The following GSE1 variants were observed in gnomAD, a reference collection of about 807,000 sequenced individuals.
GSE1 encodes genetic suppressor element 1.
Under a neutral mutation model 112.6 loss-of-function variants are expected in GSE1, and 32 were observed. The observed-to-expected ratio is 0.28, with a 90% CI of 0.21 to 0.38. GSE1 has a LOEUF of 0.38. GSE1 is among the 10% of genes least tolerant of loss of function. The probability of loss-of-function intolerance (pLI) is 1.00; values close to 1 mark genes in which losing one functional copy is unlikely to be tolerated. For missense variants in GSE1, 2,348 were observed against 1,699.2 expected, an observed-to-expected ratio of 1.38 and a Z score of -6.71; for synonymous variants, 1,115 against 735.6, an observed-to-expected ratio of 1.52 and a Z score of -8.35.
intron 1 of GSE1, among the ~76,000 whole-genome samples, chr16:85,216,206 C>A (rs2075304469): frequency 6.6e-6 from 1 of 152,230 alleles, no homozygotes; most frequent in South Asian, 2.1e-4. Flanking sequence ...GAGTTCAATA[C>A]CATATTGGGC....
At chr16:85,641,662 G>T (rs1472185427) in intron 2 of GSE1, among the ~76,000 whole-genome samples, 1 of 152,266 alleles carries the variant, frequency 6.6e-6, no homozygotes, top group Non-Finnish European at 1.5e-5. Flanking sequence ...CTTGTCACTT[G>T]TGCGATGGGG....
At chr16:85,183,439 A>G (rs4389130) in intron 1 of GSE1, among the ~76,000 whole-genome samples, 9,304 of 152,244 alleles carry the variant, frequency 0.061, 312 homozygotes, top group African/African-American at 0.081. Context: ...GAGGAAAGGT[A>G]CAGGGTGGGG....
chr16:85,503,390 C>T (rs962333206), intron 2 of GSE1, among the ~76,000 whole-genome samples: 7 of 152,126 alleles, frequency 4.6e-5, no homozygotes, highest in Non-Finnish European at 8.8e-5. Context: ...GCTGCCGCTC[C>T]TCCTCCTCCT....
At chr16:85,536,563 G>C (rs1425314771) in intron 2 of GSE1, among the ~76,000 whole-genome samples, 1 of 152,234 alleles carries the variant, frequency 6.6e-6, no homozygotes, top group Non-Finnish European at 1.5e-5. Flanking sequence ...GGCCTCCGCT[G>C]TGTTTCACAC....
chr16:85,177,923 C>A (rs546008719), intron 1 of GSE1, among the ~76,000 whole-genome samples: 1 of 152,202 alleles, frequency 6.6e-6, no homozygotes, highest in African/African-American at 2.4e-5. Context: ...CCTCTACCCT[C>A]ATCCATATCT....
At position 85,479,188 on chromosome 16, in the gene GSE1, ATTTTTTTT is replaced by A. The variant is rs59825091; in HGVS notation, c.2464+121563_2464+121570del. On this transcript the variant is annotated intron_variant, in intron 2 of 2. Coordinates refer to the GSE1 transcript ENST00000637419. ...AGGCGCCCGCCACCATGCCCGGCTA[ATTTTTTTT>A]TTTTTTTTTTTTTTTTTAGTAGAGA... is the stretch of plus-strand genomic sequence containing the variant. Among the ~76,000 whole-genome samples the A allele has an allele frequency of 8.5e-5, 7 of 82,498 alleles. No individual in the cohort carries two copies. In the East Asian group the frequency reaches 1.1e-3, roughly 13 times the overall value. 54.1% of individuals were successfully genotyped at this position (82,498 alleles called of 152,430 possible).
At chr16:85,178,208 C>T (rs1379628545) in intron 1 of GSE1, among the ~76,000 whole-genome samples, 1 of 152,112 alleles carries the variant, frequency 6.6e-6, no homozygotes, top group African/African-American at 2.4e-5. Flanking sequence ...GGAAGACTTC[C>T]TGGAGGAGGT....
In GSE1 at chr16:85,344,384, C is replaced by A. The variant is rs114964230; in HGVS notation, c.2284-13079C>A. On this transcript the variant is annotated intron_variant, in intron 1 of 2. Transcript: ENST00000637419. The stretch of plus-strand genomic sequence containing the variant: ...AACCCTGGGCCGAGCGGGGTCCTGC[C>A]CGGGGAGCCTCCTTGGCTGACTGCC... 6.4e-3 allele frequency among the ~76,000 whole-genome samples: 973 copies of A among 152,322 alleles called. 14 individuals carry two copies. Among genetic ancestry groups the A allele is most frequent in the African/African-American group, 0.022 (918 of 41,560 alleles).
At chr16:85,572,258 ACCACACACACACCAACACACCACATACCC>A in intron 1 of GSE1, among the ~76,000 whole-genome samples, 1 of 138,122 alleles carries the variant, frequency 7.2e-6, no homozygotes, top group Non-Finnish European at 1.6e-5. Flanking sequence ...ACCACACACA[ACCACACACACACCAACACACCACATACCC>A]CCACACACAA....
chr16:85,193,418 T>C (rs1264010456), intron 1 of GSE1, among the ~76,000 whole-genome samples: 1 of 152,150 alleles, frequency 6.6e-6, no homozygotes, highest in Non-Finnish European at 1.5e-5. Flanking sequence ...CATAGCTTAC[T>C]GAAGCTTTGA....
intron 12 of GSE1, 127 bp from the exon 13 acceptor site, chr16:85,665,849 C>G: frequency 1.2e-6 from 1 of 856,232 alleles, no homozygotes; most frequent in Non-Finnish European, 1.9e-6. Flanking sequence ...TTAAATGTTC[C>G]CCGGGTCTTG....
chr16:85,313,816 C>T (rs553235207), intron 1 of GSE1, among the ~76,000 whole-genome samples: 8 of 152,362 alleles, frequency 5.3e-5, no homozygotes, highest in Admixed American at 1.3e-4. Flanking sequence ...GGCTGCGAGA[C>T]CCTCGTACAT....
intron 2 of GSE1, among the ~76,000 whole-genome samples, chr16:85,516,734 C>G (rs1598031191): frequency 6.6e-6 from 1 of 151,394 alleles, no homozygotes; most frequent in East Asian, 1.9e-4. Context: ...AGGTGGTATT[C>G]GTAGCGTTAC....
At chr16:85,512,717 A>G (rs1598016007) in intron 2 of GSE1, among the ~76,000 whole-genome samples, 1 of 152,286 alleles carries the variant, frequency 6.6e-6, no homozygotes, top group South Asian at 2.1e-4. Context: ...CTCCGATATC[A>G]AAGCGCTCCC....
intron 1 of GSE1, among the ~76,000 whole-genome samples, chr16:85,228,414 A>T (rs2075526663): frequency 6.6e-6 from 1 of 152,186 alleles, no homozygotes; most frequent in South Asian, 2.1e-4. Context: ...GCTTCGGGGA[A>T]GGCTGAGTCA....
chr16:85,615,054 G>T (rs1293211628), intron 1 of GSE1, among the ~76,000 whole-genome samples: 1 of 152,254 alleles, frequency 6.6e-6, no homozygotes, highest in East Asian at 1.9e-4. Context: ...GGCAGGGGTG[G>T]AAGGGGGAAC....
At chr16:85,255,098 C>CGGT (rs774051206) in intron 1 of GSE1, among the ~76,000 whole-genome samples, 7 of 152,196 alleles carry the variant, frequency 4.6e-5, no homozygotes, top group Non-Finnish European at 1.0e-4. Flanking sequence ...GCGGCGGCGG[C>CGGT]GGTCGCTGTT....
At chr16:85,421,963 C>G (rs911106708) in intron 2 of GSE1, among the ~76,000 whole-genome samples, 6 of 152,142 alleles carry the variant, frequency 3.9e-5, no homozygotes, top group African/African-American at 1.2e-4. Flanking sequence ...CACAGCACCC[C>G]CCTTGAGGTA....
intron 2 of GSE1, among the ~76,000 whole-genome samples, chr16:85,403,886 C>T (rs905491347): frequency 2.0e-5 from 3 of 152,182 alleles, no homozygotes; most frequent in African/African-American, 7.2e-5. Context: ...GGCAGGGCTG[C>T]ACCCCCTTCA....
Sources: allele counts gnomAD v4.1 joint callset (sites outside exome capture counted in the v4.1 genomes callset), GRCh38; gene constraint gnomAD v4.1.1; transcripts MANE v1.5; gene names NCBI Gene and HGNC (gene_info 2026-07-23, HGNC 2026-07-21).